ADSS2: variants seen among roughly 807,000 people sequenced by gnomAD.
The protein encoded by ADSS2 is adenylosuccinate synthase 2.
A neutral mutation model predicts 60.0 loss-of-function variants in ADSS2; 30 were observed. The ratio of observed to expected loss-of-function variants is 0.50; its 90% CI spans 0.37 to 0.68. The LOEUF (loss-of-function observed/expected upper bound fraction) is 0.68. Among genes scored for constraint, ADSS2 ranks in the 30% least tolerant of loss-of-function variants. ADSS2 has a pLI of 0.00. For synonymous variants in ADSS2, 187 were observed against 193.1 expected, an observed-to-expected ratio of 0.97 and a Z score of 0.26; for missense variants, 373 against 554.8, an observed-to-expected ratio of 0.67 and a Z score of 3.29.
Position 244,424,376 on chromosome 1 carries a change from G to A in ADSS2, c.418C>T (p.His140Tyr), listed in dbSNP as rs1245098144. ...TCCTGGATACCATCAGCTGCTTGAT[G>A]AAAATCAAATACTGAGGGGAAATAA... ...SDRAHIVFDFHQAADGIQEQQ... is the reference protein window; with the variant it reads ...SDRAHIVFDFYQAADGIQEQQ... The change falls in exon 5 of 13, where the codon CAT becomes TAT. Residue 140 changes from histidine (H) to tyrosine (Y), a missense_variant. Physicochemically the swap from His to Tyr is moderately conservative, Grantham distance 83 (BLOSUM62 2). This residue lies in a region of ADSS2 where 139 missense variants were observed against 189.4 expected (regional missense o/e 0.73). Coordinates refer to ENST00000366535, the MANE Select transcript of ADSS2 (RefSeq NM_001126.5). 4.3e-6 allele frequency: 7 copies of A among 1,612,824 alleles called. No individual in the cohort carries two copies. The highest frequency in any genetic ancestry group is 5.9e-6 in the Non-Finnish European group (7 of 1,179,366).
At chr1:244,410,058 A>G (rs1245143701) in intron 12 of ADSS2, among the ~76,000 whole-genome samples, 2 of 152,232 alleles carry the variant, frequency 1.3e-5, no homozygotes, top group Non-Finnish European at 2.9e-5. Context: ...AAATCGAATC[A>G]TCTGCATCAC....
At chr1:244,442,176 G>A (rs1029852337) in intron 1 of ADSS2, among the ~76,000 whole-genome samples, 2 of 151,818 alleles carry the variant, frequency 1.3e-5, no homozygotes, top group Non-Finnish European at 2.9e-5. Flanking sequence ...TACTCTCTTA[G>A]CTAATATTTT....
intron 8 of ADSS2, chr1:244,419,369 A>G (rs1664625591): frequency 6.5e-6 from 1 of 152,974 alleles, no homozygotes; most frequent in Admixed American, 6.5e-5. Flanking sequence ...ATCTCTACTC[A>G]GGGAATAACC....
At chr1:244,434,431 T>C (rs564884991) in intron 3 of ADSS2, among the ~76,000 whole-genome samples, 1 of 151,964 alleles carries the variant, frequency 6.6e-6, no homozygotes, top group East Asian at 1.9e-4. Flanking sequence ...TAAAGACAAA[T>C]TGCTAAGCTG....
chr1:244,424,140 G>C (rs1664741039), intron 5 of ADSS2, 80 bp from the exon 6 acceptor site: 11 of 1,263,610 alleles, frequency 8.7e-6, no homozygotes, highest in Non-Finnish European at 1.2e-5. Context: ...AGTGAATAAA[G>C]TTACATATGA....
chr1:244,416,303 G>T (rs1664531203), intron 10 of ADSS2, among the ~76,000 whole-genome samples: 1 of 152,188 alleles, frequency 6.6e-6, no homozygotes, highest in Admixed American at 6.5e-5. Context: ...TTTCACTGAT[G>T]AATTTTGCTT....
intron 10 of ADSS2, among the ~76,000 whole-genome samples, chr1:244,417,130 AT>A (rs1314020212): frequency 1.3e-5 from 2 of 152,152 alleles, no homozygotes; most frequent in Non-Finnish European, 2.9e-5. Flanking sequence ...TTCTCACCTA[AT>A]TTTTAAAATA....
Position 244,408,705 on chromosome 1 carries a change from CACTT to C in ADSS2, c.*877_*880del, listed in dbSNP as rs1050212103. ...GGCTAACAACGTGGGTTCATTTTGA[CACTT>C]ACAGATGATTCTGTAGGCATATCGG... is the stretch of plus-strand genomic sequence containing the variant. On this transcript the variant is annotated 3_prime_UTR_variant, in exon 13 of 13. Coordinates refer to ENST00000366535, the MANE Select transcript of ADSS2 (RefSeq NM_001126.5). 2.0e-5 allele frequency: 3 copies of C among 151,614 alleles called. No homozygotes were observed. The highest frequency in any genetic ancestry group is 6.6e-5 in the Admixed American group (1 of 15,162). The allele number at this position is 151,614 out of a possible 1,614,324, so 9.4% of individuals were successfully genotyped here. A position where few individuals can be genotyped will look rare whatever the true frequency, so the allele number is the denominator to read the frequency against.
intron 1 of ADSS2, among the ~76,000 whole-genome samples, chr1:244,449,276 TTA>T (rs1265587683): frequency 1.3e-5 from 2 of 152,266 alleles, no homozygotes; most frequent in East Asian, 1.9e-4. Context: ...GAGAAAGTCC[TTA>T]TGAGTCTACT....
Position 244,451,781 on chromosome 1 carries a change from G to A in ADSS2, c.37C>T (p.Leu13=). The change falls in exon 1 of 13, where the codon CTG becomes TTG. Residue 13 remains leucine, a synonymous_variant. Transcript: ENST00000366535. This position sits in a 1 kb window ranked among gnomAD's most constrained non-coding sequence, Gnocchi z 6.6. ...FAETYPAASS[L]PNGDCGRPRA... ...GGGCGGCCGCAATCGCCGTTGGGCAGGGAGGATGCCGCCGGGTAGGTCTCG... is the reference window on the plus strand; with the variant it reads ...GGGCGGCCGCAATCGCCGTTGGGCAAGGAGGATGCCGCCGGGTAGGTCTCG... 1 of 1,598,716 alleles carries A rather than the reference G, an allele frequency of 6.3e-7. No homozygotes were observed. The highest frequency in any genetic ancestry group is 1.7e-5 in the Admixed American group (1 of 58,216).
chr1:244,419,566 T>C (rs1664630774), intron 8 of ADSS2, among the ~76,000 whole-genome samples: 1 of 152,028 alleles, frequency 6.6e-6, no homozygotes, highest in Admixed American at 6.5e-5. Flanking sequence ...TTACTTGGAG[T>C]CAAAAGCCAA....
chr1:244,437,000 G>C, intron 2 of ADSS2, 107 bp from the exon 3 acceptor site: 1 of 843,340 alleles, frequency 1.2e-6, no homozygotes, highest in Non-Finnish European at 1.9e-6. Flanking sequence ...ATGATTCCAA[G>C]TTTTACACAG....
At position 244,451,577 on chromosome 1, in the gene ADSS2, G is replaced by C. The variant is rs758856248; in HGVS notation, c.183+58C>G. On this transcript the variant is annotated intron_variant, in intron 1 of 12. Coordinates refer to ENST00000366535, the MANE Select transcript of ADSS2 (RefSeq NM_001126.5). The surrounding 1 kb of genome is among the most constrained non-coding windows in gnomAD (Gnocchi z 6.6). ...CTGGGTCCGAGTTCCCGGGCACCAG[G>C]AGCCAGGCAGCCCGAGCTCCCGGGC... 11 of 1,529,778 alleles carry C rather than the reference G, an allele frequency of 7.2e-6. No individual in the cohort carries two copies. Among genetic ancestry groups the C allele is most frequent in the Admixed American group, 6.1e-5 (3 of 49,026 alleles). The allele number at this position is 1,529,778 out of a possible 1,614,324, so 94.8% of individuals were successfully genotyped here.
intron 1 of ADSS2, among the ~76,000 whole-genome samples, chr1:244,439,521 C>G (rs1665184832): frequency 6.6e-6 from 1 of 152,180 alleles, no homozygotes; most frequent in Non-Finnish European, 1.5e-5. Flanking sequence ...GGCTGGGATC[C>G]AAACTGCAAG....
chr1:244,415,151 C>T (rs1053711312), intron 11 of ADSS2, among the ~76,000 whole-genome samples: 4 of 152,062 alleles, frequency 2.6e-5, no homozygotes, highest in Admixed American at 2.6e-4. Flanking sequence ...AGTACATTAC[C>T]ATAGATGACA....
rs183178737 is a variant in ADSS2 at position 244,436,722 on chromosome 1, G to A, written c.355+103C>T. 6.1e-5 allele frequency: 63 copies of A among 1,030,212 alleles called. 1 individual carries two copies. The Admixed American group carries it at 6.7e-4, about 11-fold the overall frequency. The allele number at this position is 1,030,212 out of a possible 1,614,324, so 63.8% of individuals were successfully genotyped here. A position where few individuals can be genotyped will look rare whatever the true frequency, so the allele number is the denominator to read the frequency against. On this transcript the variant is annotated intron_variant, in intron 3 of 12. Coordinates refer to ENST00000366535, the MANE Select transcript of ADSS2 (RefSeq NM_001126.5). ...ATTAAAAATTCGTCTATAATAGCCC[G>A]AAATTTTAAAGCATAAGACAAACAT...
intron 3 of ADSS2, among the ~76,000 whole-genome samples, chr1:244,433,343 T>A (rs1249211007): frequency 1.3e-5 from 2 of 152,242 alleles, no homozygotes; most frequent in Non-Finnish European, 2.9e-5. Context: ...TTCTCACATG[T>A]CATTCATTCC....
At position 244,411,294 on chromosome 1, in the gene ADSS2, T is replaced by C. The variant is rs371757377; in HGVS notation, c.1311A>G (p.Gln437=). 33 of 1,606,366 alleles carry C rather than the reference T, an allele frequency of 2.1e-5. No homozygotes were observed. The highest frequency in any genetic ancestry group is 2.7e-5 in the Non-Finnish European group (32 of 1,178,214). Residue 437 remains glutamine (Q), a synonymous_variant, in exon 12 of 13, where the codon CAA becomes CAG. Coordinates refer to ENST00000366535, the MANE Select transcript of ADSS2 (RefSeq NM_001126.5). ...CAAAGTGTTTATGTTTACCTGGAAT[T>C]TGAAGCTCATCTTCAATAAATCGAA... ...NYVRFIEDEL[Q]IPVKWIGVGK...
Position 244,417,609 on chromosome 1 carries a change from G to A in ADSS2, c.1070+19C>T. The A allele has an allele frequency of 6.2e-7, 1 of 1,609,946 alleles. No homozygotes were observed. ...TCATCTATGATTTCCTGAAATAAAT[G>A]TTTCTGAAGAATACTCACGCAGTAA... On this transcript the variant is annotated intron_variant, in intron 10 of 12. Transcript: ENST00000366535.
Sources: gnomAD v4.1 joint callset for allele counts (sites outside exome capture counted in the v4.1 genomes callset) on GRCh38, gnomAD v4.1.1 for gene constraint, gnomAD v4.1.1 regional missense constraint, Gnocchi (gnomAD v3.1) non-coding constraint, MANE v1.5 for transcripts, NCBI Gene and HGNC (gene_info 2026-07-23, HGNC 2026-07-21) for gene names.